The following GPR142 variants were observed in gnomAD, a reference collection of about 807,000 sequenced individuals.
GPR142 encodes the protein G-protein coupled receptor 142 long form.
A neutral mutation model predicts 10.6 loss-of-function variants in GPR142; 9 were observed. That is an observed-to-expected ratio of 0.85 (90% CI 0.51 to 1.48). The LOEUF is 1.48. GPR142 is among the 40% of genes most tolerant of loss of function. The pLI is 0.00. For missense variants in GPR142, 482 were observed against 506.0 expected (o/e 0.95, Z 0.45); for synonymous variants, 202 against 221.2 (o/e 0.91, Z 0.77).
rs1213208685 is a variant in GPR142, at chr17:74,371,813, C to T, written c.338C>T (p.Ala113Val). 1 of 1,613,632 alleles carries T rather than the reference C, an allele frequency of 6.2e-7. No homozygotes were observed. The highest frequency in any genetic ancestry group is 1.7e-5 in the Admixed American group (1 of 60,026). Reference protein sequence around the residue: ...PSYYYLLALTASDIIIQVVIV... With the variant: ...PSYYYLLALTVSDIIIQVVIV... ...TACTACTACCTTCTGGCGCTCACAG[C>T]CTCGGATATCATCATCCAGGTGGTC... Residue 113 changes from alanine to valine, a missense_variant, in exon 4 of 4, where the codon GCC becomes GTC. Coordinates refer to ENST00000582579, the MANE Select transcript of GPR142 (RefSeq NM_001331076.1).
At position 74,367,744 on chromosome 17, in the gene GPR142, G is replaced by A. The variant is rs750248522; in HGVS notation, c.-124G>A. The A allele has an allele frequency of 2.4e-5, 39 of 1,613,528 alleles. No homozygotes were observed. Among genetic ancestry groups the A allele is most frequent in the African/African-American group, 6.7e-5 (5 of 74,876 alleles). ...CCATCCAAGGACTCCAGCAGTTTCC[G>A]CCAGGTGAATCCAGCTGCCTCCCAG... On this transcript the variant is annotated 5_prime_UTR_variant, in exon 1 of 4. Coordinates refer to ENST00000582579, the MANE Select transcript of GPR142 (RefSeq NM_001331076.1).
At chr17:74,368,912 C>T (rs371451840) in intron 1 of GPR142, among the ~76,000 whole-genome samples, 3 of 152,116 alleles carry the variant, frequency 2.0e-5, no homozygotes, top group East Asian at 3.9e-4. Flanking sequence ...TGCCATCCTG[C>T]CCCTGGGGGT....
intron 1 of GPR142, among the ~76,000 whole-genome samples, chr17:74,368,199 G>A (rs2054995411): frequency 6.6e-6 from 1 of 152,060 alleles, no homozygotes; most frequent in South Asian, 2.1e-4. Flanking sequence ...GACCCTCCTT[G>A]CCCCTCACCC....
Position 74,371,821 on chromosome 17 carries a change from A to T in GPR142, c.346A>T (p.Ile116Phe). The T allele has an allele frequency of 6.2e-7, 1 of 1,613,714 alleles. No homozygotes were observed. The highest frequency in any genetic ancestry group is 8.5e-7 in the Non-Finnish European group (1 of 1,180,020). ...YYLLALTASD[I>F]IIQVVIVFAG... ...CCTTCTGGCGCTCACAGCCTCGGAT[A>T]TCATCATCCAGGTGGTCATCGTGTT... Residue 116 changes from isoleucine (I) to phenylalanine (F), a missense_variant, in exon 4 of 4, where the codon ATC (isoleucine) becomes TTC (phenylalanine). Physicochemically the swap from Ile to Phe is conservative, Grantham distance 21. Coordinates refer to ENST00000582579, the MANE Select transcript of GPR142 (RefSeq NM_001331076.1).
In GPR142 at chr17:74,371,153, AG is replaced by A. The variant is rs530609283; in HGVS notation, c.253+476del. The stretch of plus-strand genomic sequence containing the variant: ...GACTTGGAGGACAATGCCATAGGAC[AG>A]GTAGCTTTTTTTTTTTTTTTGAGAT... On this transcript the variant is annotated intron_variant, in intron 3 of 3. Coordinates refer to ENST00000582579, the MANE Select transcript of GPR142 (RefSeq NM_001331076.1). 3.8e-3 allele frequency among the ~76,000 whole-genome samples: 417 copies of A among 110,540 alleles called. 2 individuals carry two copies. Among genetic ancestry groups the A allele is most frequent in the African/African-American group, 0.013 (393 of 31,404 alleles). 72.5% of individuals were successfully genotyped at this position (110,540 alleles called of 152,430 possible).
chr17:74,370,653 G>A lies in GPR142; in HGVS notation c.227G>A (p.Ser76Asn), dbSNP rs1426345710. The change falls in exon 3 of 4, where the codon AGT becomes AAT. Residue 76 changes from serine (S) to asparagine (N), a missense_variant. By Grantham distance (46) the Ser-to-Asn change is conservative. Coordinates refer to ENST00000582579, the MANE Select transcript of GPR142 (RefSeq NM_001331076.1). ...GGCGTCATCCCTGTCATCTACTACAGTGTCCTGCTGGGCTTGGGGCTGCCT... is the reference window on the plus strand; with the variant it reads ...GGCGTCATCCCTGTCATCTACTACAATGTCCTGCTGGGCTTGGGGCTGCCT... ...VAGVIPVIYY[S>N]VLLGLGLPVS... 1 of 1,613,624 alleles carries A rather than the reference G, an allele frequency of 6.2e-7. No individual in the cohort carries two copies. Among genetic ancestry groups the A allele is most frequent in the Non-Finnish European group, 8.5e-7 (1 of 1,179,794 alleles).
intron 1 of GPR142, among the ~76,000 whole-genome samples, chr17:74,368,917 G>C (rs554408486): frequency 6.6e-6 from 1 of 151,478 alleles, no homozygotes; most frequent in East Asian, 2.0e-4. Context: ...TCCTGCCCCT[G>C]GGGGTAGCCT....
Position 74,372,147 on chromosome 17 carries a change from C to T in GPR142, c.672C>T (p.Val224=), listed in dbSNP as rs892640013. The part of the protein sequence containing the change: ...DTDSPRTLDE[V]LKWAHCLTVY... ...ACTCACCCAGAACACTGGACGAGGT[C>T]CTCAAGTGGGCTCACTGTCTCACTG... Residue 224 remains valine (V), a synonymous_variant, in exon 4 of 4, where the codon GTC becomes GTT. Transcript: ENST00000582579. 1.2e-6 allele frequency: 2 copies of T among 1,614,186 alleles called. No individual in the cohort carries two copies. Among genetic ancestry groups the T allele is most frequent in the Admixed American group, 3.3e-5 (2 of 60,018 alleles).
Position 74,369,481 on chromosome 17 carries a change from G to T in GPR142, c.-60G>T, listed in dbSNP as rs76896732. 66 of 1,557,008 alleles carry T rather than the reference G, an allele frequency of 4.2e-5. No individual in the cohort carries two copies. The highest frequency in any genetic ancestry group is 4.3e-6 in the Non-Finnish European group (5 of 1,149,784). On this transcript the variant is annotated 5_prime_UTR_variant, in exon 2 of 4. Coordinates refer to ENST00000582579, the MANE Select transcript of GPR142 (RefSeq NM_001331076.1). ...CTGCACTAACAGGCTCAGTGTCTGC[G>T]TAAGGATCCTGGGGCAAACAACCAC...
chr17:74,370,435 G>T, intron 2 of GPR142, 86 bp from the exon 3 acceptor site: 1 of 1,429,622 alleles, frequency 7.0e-7, no homozygotes, highest in South Asian at 1.4e-5. Context: ...AGGGTGACTA[G>T]AAAGACCCCA....
Position 74,372,545 on chromosome 17 carries a change from T to C in GPR142, c.1070T>C (p.Met357Thr). 6.2e-7 allele frequency: 1 copy of C among 1,611,928 alleles called. No individual in the cohort carries two copies. Among genetic ancestry groups the C allele is most frequent in the Non-Finnish European group, 8.5e-7 (1 of 1,180,026 alleles). ...ACTTTGGCATCACAGCCAGAGGGCATGGCGGCGAAGCCTGTGATGGAGCCT... is the reference window on the plus strand; with the variant it reads ...ACTTTGGCATCACAGCCAGAGGGCACGGCGGCGAAGCCTGTGATGGAGCCT... ...PCTLASQPEG[M>T]AAKPVMEPPG... Residue 357 changes from methionine to threonine, a missense_variant, in exon 4 of 4, where the codon ATG (methionine) becomes ACG (threonine). By Grantham distance (81) the Met-to-Thr change is moderately conservative. Coordinates refer to ENST00000582579, the MANE Select transcript of GPR142 (RefSeq NM_001331076.1).
intron 3 of GPR142, 60 bp from the exon 4 acceptor site, chr17:74,371,669 A>C: frequency 6.6e-7 from 1 of 1,513,390 alleles, no homozygotes; most frequent in South Asian, 1.2e-5. Context: ...GACACCTTGG[A>C]AAGCAGAGTC....
At position 74,372,068 on chromosome 17, in the gene GPR142, C is replaced by A; in HGVS notation, c.593C>A (p.Ala198Asp). The A allele has an allele frequency of 6.2e-7, 1 of 1,614,216 alleles. No individual in the cohort carries two copies. Among genetic ancestry groups the A allele is most frequent in the East Asian group, 2.2e-5 (1 of 44,888 alleles). Residue 198 changes from alanine to aspartate, a missense_variant, in exon 4 of 4, where the codon GCC becomes GAC. Physicochemically the swap from Ala to Asp is moderately radical, Grantham distance 126. Coordinates refer to ENST00000582579, the MANE Select transcript of GPR142 (RefSeq NM_001331076.1). ...RRAIAAVLSA[A>D]LLTGIPFYWW... ...GCCATTGCTGCTGTCCTGAGTGCTG[C>A]CCTGTTGACCGGCATCCCCTTCTAC...
rs192901962 is a variant in GPR142, at chr17:74,369,274, C to A, written c.-73-194C>A. On this transcript the variant is annotated intron_variant, in intron 1 of 3. Transcript: ENST00000582579. ...CCTGCTCCCCCAGGCATAGACATACCTGTGAACCCCATGCCACCCTCAGCT... is the reference window on the plus strand; with the variant it reads ...CCTGCTCCCCCAGGCATAGACATACATGTGAACCCCATGCCACCCTCAGCT... 1.9e-3 allele frequency among the ~76,000 whole-genome samples: 296 copies of A among 152,222 alleles called. 1 individual carries two copies. The highest frequency in any genetic ancestry group is 4.4e-4 in the Non-Finnish European group (30 of 68,010).
intron 3 of GPR142, among the ~76,000 whole-genome samples, chr17:74,371,144 C>A (rs1361881444): frequency 7.0e-6 from 1 of 143,580 alleles, no homozygotes; most frequent in African/African-American, 2.5e-5. Context: ...GAGGACAATG[C>A]CATAGGACAG....
rs756315647 is a variant in GPR142 at position 74,367,762 on chromosome 17, C to T, written c.-106C>T. The T allele has an allele frequency of 1.9e-5, 30 of 1,612,084 alleles. No homozygotes were observed. The South Asian group carries it at 3.0e-4, about 16-fold the overall frequency. On this transcript the variant is annotated 5_prime_UTR_variant, in exon 1 of 4. Coordinates refer to ENST00000582579, the MANE Select transcript of GPR142 (RefSeq NM_001331076.1). ...AGTTTCCGCCAGGTGAATCCAGCTG[C>T]CTCCCAGAACAGGCCTTCTATGGGG...
chr17:74,371,999 C>G lies in GPR142; in HGVS notation c.524C>G (p.Pro175Arg), dbSNP rs1210262311. The G allele has an allele frequency of 6.2e-7, 1 of 1,613,168 alleles. No homozygotes were observed. Among genetic ancestry groups the G allele is most frequent in the African/African-American group, 1.3e-5 (1 of 74,948 alleles). Residue 175 changes from proline to arginine, a missense_variant, in exon 4 of 4, where the codon CCC becomes CGC. Pro to Arg is a moderately radical substitution (Grantham distance 103, BLOSUM62 -2). Transcript: ENST00000582579. ...TVDRYTALCH[P>R]LHHRAASSPG... ...GACCGCTACACTGCCCTGTGCCACC[C>G]CCTGCACCATCGGGCCGCCTCGTCC... is the stretch of plus-strand genomic sequence containing the variant.
intron 2 of GPR142, 83 bp downstream of exon 2, chr17:74,369,717 G>T: frequency 7.2e-7 from 1 of 1,384,852 alleles, no homozygotes; most frequent in Non-Finnish European, 9.6e-7. Flanking sequence ...GGGACCTAGA[G>T]GGTGGAGTAG....
rs778030083 is a variant in GPR142 at position 74,367,763 on chromosome 17, C to G, written c.-105C>G. On this transcript the variant is annotated 5_prime_UTR_variant, in exon 1 of 4. Coordinates refer to ENST00000582579, the MANE Select transcript of GPR142 (RefSeq NM_001331076.1). ...GTTTCCGCCAGGTGAATCCAGCTGC[C>G]TCCCAGAACAGGCCTTCTATGGGGT... 80 of 1,612,126 alleles carry G rather than the reference C, an allele frequency of 5.0e-5. No individual in the cohort carries two copies. Among genetic ancestry groups the G allele is most frequent in the Non-Finnish European group, 6.4e-5 (75 of 1,178,806 alleles).
Sources: gnomAD v4.1 joint callset for allele counts (sites outside exome capture counted in the v4.1 genomes callset) on GRCh38, gnomAD v4.1.1 for gene constraint, MANE v1.5 for transcripts, NCBI Gene and HGNC (gene_info 2026-07-23, HGNC 2026-07-21) for gene names.